IFFO2: variants seen among roughly 807,000 people sequenced by gnomAD.
The protein encoded by IFFO2 is intermediate filament family orphan 2.
In IFFO2, 19 loss-of-function variants were observed where a neutral mutation model predicts 53.5. That is an observed-to-expected ratio of 0.36 (90% CI 0.25 to 0.52). The LOEUF is 0.52. IFFO2 is among the 20% of genes least tolerant of loss of function. The pLI is 0.94. For synonymous variants in IFFO2, 303 were observed against 313.6 expected, an observed-to-expected ratio of 0.97 and a Z score of 0.36; for missense variants, 570 against 727.4, an observed-to-expected ratio of 0.78 and a Z score of 2.49.
At chr1:18,911,041 C>T (rs1468139594) in intron 7 of IFFO2, among the ~76,000 whole-genome samples, 4 of 152,260 alleles carry the variant, frequency 2.6e-5, no homozygotes, top group Non-Finnish European at 5.9e-5. Flanking sequence ...TGCACGGTGC[C>T]TACTGCATAG....
At chr1:18,946,409 C>CTTTTTTTTTT (rs71577809) in intron 1 of IFFO2, among the ~76,000 whole-genome samples, 4 of 96,542 alleles carry the variant, frequency 4.1e-5, no homozygotes, top group African/African-American at 1.2e-4. Context: ...TTGCCACTTT[C>CTTTTTTTTTT]TTTTTTTTTT....
chr1:18,910,196 T>C (rs1200912648), intron 8 of IFFO2, 146 bp downstream of exon 8: 1 of 907,814 alleles, frequency 1.1e-6, no homozygotes, highest in Non-Finnish European at 1.7e-6. Flanking sequence ...ACTGGATGGA[T>C]GGATGGATGG....
intron 5 of IFFO2, among the ~76,000 whole-genome samples, chr1:18,914,380 G>T (rs992180203): frequency 1.4e-4 from 21 of 152,298 alleles, no homozygotes; most frequent in African/African-American, 5.1e-4. Context: ...TAAAAGCAGG[G>T]ACAACAATTT....
intron 1 of IFFO2, among the ~76,000 whole-genome samples, chr1:18,922,721 C>T (rs1225083267): frequency 6.6e-6 from 1 of 152,104 alleles, no homozygotes; most frequent in East Asian, 1.9e-4. Context: ...TAAGAGGGGG[C>T]AGGGAGGGAA....
chr1:18,926,520 CT>C (rs1290975753), intron 1 of IFFO2, among the ~76,000 whole-genome samples: 4 of 152,210 alleles, frequency 2.6e-5, no homozygotes, highest in Non-Finnish European at 5.9e-5. Context: ...CGGCCACCAT[CT>C]TAGCAGAACA....
At chr1:18,910,228 C>T (rs1375867952) in intron 8 of IFFO2, 114 bp downstream of exon 8, 4 of 1,204,706 alleles carry the variant, frequency 3.3e-6, no homozygotes, top group African/African-American at 1.5e-5. Flanking sequence ...GACGGACGGA[C>T]AGATGGACGG....
chr1:18,904,472 G>A lies in IFFO2; in HGVS notation c.*4089C>T, dbSNP rs922422247. 2 of 152,128 alleles carry A rather than the reference G, an allele frequency of 1.3e-5. No individual in the cohort carries two copies. The highest frequency in any genetic ancestry group is 4.8e-5 in the African/African-American group (2 of 41,414). The allele number at this position is 152,128 out of a possible 1,614,324, so 9.4% of individuals were successfully genotyped here. A position where few individuals can be genotyped will look rare whatever the true frequency, so the allele number is the denominator to read the frequency against. On this transcript the variant is annotated 3_prime_UTR_variant, in exon 9 of 9. Transcript: ENST00000455833. ...AACAGCAACGGTGGGGCAGGATCATGGGGTATAAAGTCTCCCTGGGTGGGG... is the reference window on the plus strand; with the variant it reads ...AACAGCAACGGTGGGGCAGGATCATAGGGTATAAAGTCTCCCTGGGTGGGG...
At chr1:18,921,142 A>G (rs529477481) in intron 1 of IFFO2, 21 bp from the exon 2 acceptor site, 74 of 1,550,940 alleles carry the variant, frequency 4.8e-5, no homozygotes, top group Non-Finnish European at 5.9e-5. Flanking sequence ...CAAGAGGAAC[A>G]GGTGGTCAGA....
At chr1:18,942,026 G>A (rs573752119) in intron 1 of IFFO2, among the ~76,000 whole-genome samples, 25 of 152,234 alleles carry the variant, frequency 1.6e-4, no homozygotes, top group Non-Finnish European at 2.6e-4. Context: ...CTGCCCAGGC[G>A]GCTCTACCGG....
chr1:18,927,067 T>C (rs74775954), intron 1 of IFFO2, among the ~76,000 whole-genome samples: 1 of 152,224 alleles, frequency 6.6e-6, no homozygotes, highest in African/African-American at 2.4e-5. Flanking sequence ...TGGGCCTCAG[T>C]TGTCCCCTCT....
Position 18,919,839 on chromosome 1 carries a change from A to T in IFFO2, c.727-66T>A. 2.6e-6 allele frequency: 3 copies of T among 1,149,884 alleles called. No individual in the cohort carries two copies. Among genetic ancestry groups the T allele is most frequent in the Non-Finnish European group, 3.8e-6 (3 of 789,068 alleles). The allele number at this position is 1,149,884 out of a possible 1,614,324, so 71.2% of individuals were successfully genotyped here. ...CCTCTGGGGATAGGAGGGTCTGGAC[A>T]CCTGAGTCCAGAGCCCTAGGCACCC... On this transcript the variant is annotated intron_variant, in intron 2 of 8. Transcript: ENST00000455833. This position sits in a 1 kb window ranked among gnomAD's most constrained non-coding sequence, Gnocchi z 4.9.
chr1:18,927,490 A>G (rs1414127406), intron 1 of IFFO2, among the ~76,000 whole-genome samples: 1 of 152,188 alleles, frequency 6.6e-6, no homozygotes, highest in African/African-American at 2.4e-5. Flanking sequence ...AGCTCACCCC[A>G]CTGCAGCAGG....
chr1:18,918,530 G>T lies in IFFO2; in HGVS notation c.823-28C>A. ...GCAGGGAGGACAGCAGGGTTTACAT[G>T]AGCGAGGGATGGAGCAAGCCTGGGG... On this transcript the variant is annotated intron_variant, in intron 3 of 8. Coordinates refer to ENST00000455833, the MANE Select transcript of IFFO2 (RefSeq NM_001136265.2). The surrounding 1 kb of genome is among the most constrained non-coding windows in gnomAD (Gnocchi z 5.2). 1 of 1,550,874 alleles carries T rather than the reference G, an allele frequency of 6.4e-7. No individual in the cohort carries two copies. Among genetic ancestry groups the T allele is most frequent in the Non-Finnish European group, 8.7e-7 (1 of 1,146,260 alleles).
rs1003234048 is a variant in IFFO2, at chr1:18,921,146, G to C, written c.666-25C>G. The C allele has an allele frequency of 3.2e-6, 5 of 1,549,672 alleles. No individual in the cohort carries two copies. In the African/African-American group the frequency reaches 5.5e-5, roughly 17 times the overall value. On this transcript the variant is annotated intron_variant, in intron 1 of 8. Coordinates refer to ENST00000455833, the MANE Select transcript of IFFO2 (RefSeq NM_001136265.2). The stretch of plus-strand genomic sequence containing the variant: ...CCTGCAAAAGCCAAGAGGAACAGGT[G>C]GTCAGAAGGTGAGTTCCCTGTGCCA...
At position 18,928,161 on chromosome 1, in the gene IFFO2, G is replaced by A. The variant is rs189914670; in HGVS notation, c.666-7040C>T. On this transcript the variant is annotated intron_variant, in intron 1 of 8. Transcript: ENST00000455833. This position sits in a 1 kb window ranked among gnomAD's most constrained non-coding sequence, Gnocchi z 4.9. Reference sequence around the variant, plus strand: ...ACAGCCAATAAGCTCTAGCCCCTGCGCATGAAAGAGGCCCCCTCCTGCCTG... The same window carrying A: ...ACAGCCAATAAGCTCTAGCCCCTGCACATGAAAGAGGCCCCCTCCTGCCTG... Among the ~76,000 whole-genome samples the A allele has an allele frequency of 1.3e-5, 2 of 152,042 alleles. No homozygotes were observed. The highest frequency in any genetic ancestry group is 2.4e-5 in the African/African-American group (1 of 41,382).
rs1936176676 is a variant in IFFO2, at chr1:18,919,051, G to A, written c.823-549C>T. Among the ~76,000 whole-genome samples the A allele has an allele frequency of 6.6e-6, 1 of 152,162 alleles. No individual in the cohort carries two copies. The highest frequency in any genetic ancestry group is 2.4e-5 in the African/African-American group (1 of 41,444). On this transcript the variant is annotated intron_variant, in intron 3 of 8. Coordinates refer to ENST00000455833, the MANE Select transcript of IFFO2 (RefSeq NM_001136265.2). The surrounding 1 kb of genome is among the most constrained non-coding windows in gnomAD (Gnocchi z 4.9). ...TCCCTCCACACCAGGAGCCATGCCA[G>A]GCTCAGTCACCCACGTTCTGGCCCC...
At chr1:18,920,985 C>A (rs890466723) in intron 2 of IFFO2, 76 bp downstream of exon 2, 1 of 1,324,300 alleles carries the variant, frequency 7.6e-7, no homozygotes, top group Non-Finnish European at 1.1e-6. Context: ...CTGGCTTTGC[C>A]GCATGAAGAC....
rs375979228 is a variant in IFFO2 at position 18,927,083 on chromosome 1, T to C, written c.666-5962A>G. 4.6e-5 allele frequency among the ~76,000 whole-genome samples: 7 copies of C among 152,126 alleles called. No homozygotes were observed. The East Asian group carries it at 1.2e-3, about 25-fold the overall frequency. On this transcript the variant is annotated intron_variant, in intron 1 of 8. Transcript: ENST00000455833. ...GGGCCTCAGTTGTCCCCTCTGTGAGTTGGGAAACCAGCCACCCCCTTTCGA... is the reference window on the plus strand; with the variant it reads ...GGGCCTCAGTTGTCCCCTCTGTGAGCTGGGAAACCAGCCACCCCCTTTCGA...
At chr1:18,954,052 C>T (rs1037788120) in intron 1 of IFFO2, among the ~76,000 whole-genome samples, 2 of 152,208 alleles carry the variant, frequency 1.3e-5, no homozygotes, top group Admixed American at 6.5e-5. Flanking sequence ...TGAGGGGCGG[C>T]GAGGTGGCCT....
Sources: allele counts gnomAD v4.1 joint callset (sites outside exome capture counted in the v4.1 genomes callset), GRCh38; gene constraint gnomAD v4.1.1; non-coding constraint Gnocchi (gnomAD v3.1); transcripts MANE v1.5; gene names NCBI Gene and HGNC (gene_info 2026-07-23, HGNC 2026-07-21).